The following ABCF2 variants were observed in gnomAD, a reference collection of about 807,000 sequenced individuals.
ABCF2 encodes the protein ATP binding cassette subfamily F member 2, also known as ATP-binding cassette sub-family F member 2.
A neutral mutation model predicts 76.9 loss-of-function variants in ABCF2; 37 were observed. The ratio of observed to expected loss-of-function variants is 0.48; its 90% CI spans 0.37 to 0.63. The LOEUF (loss-of-function observed/expected upper bound fraction) is 0.63. ABCF2 is among the 30% of genes least tolerant of loss of function. ABCF2 has a pLI of 0.00. For synonymous variants in ABCF2, 299 were observed against 283.7 expected, an observed-to-expected ratio of 1.05 and a Z score of -0.54; for missense variants, 524 against 782.1, an observed-to-expected ratio of 0.67 and a Z score of 3.94.
Position 151,225,033 on chromosome 7 carries a change from C to G in ABCF2, c.155-45G>C. On this transcript the variant is annotated intron_variant, in intron 2 of 14. Transcript: ENST00000287844. ...TTGGGAAGATGGCGTGAGACAGACT[C>G]GGCTCTCCACAAAGGTCAACGTCCT... 1.9e-6 allele frequency: 3 copies of G among 1,563,690 alleles called. No homozygotes were observed. The South Asian group carries it at 3.3e-5, about 17-fold the overall frequency.
chr7:151,226,711 G>T (rs1802380263), intron 1 of ABCF2: 2 of 406,740 alleles, frequency 4.9e-6, no homozygotes, highest in Non-Finnish European at 8.8e-6. Context: ...CTTCCCACAG[G>T]CACCAGTCCC....
At chr7:151,222,885 C>T (rs1479241826) in intron 5 of ABCF2, among the ~76,000 whole-genome samples, 1 of 152,052 alleles carries the variant, frequency 6.6e-6, no homozygotes, top group Admixed American at 6.5e-5. Flanking sequence ...GTTTATGAGC[C>T]TTGTGCACTG....
intron 7 of ABCF2, 69 bp downstream of exon 7, chr7:151,221,509 T>G: frequency 8.7e-7 from 1 of 1,147,042 alleles, no homozygotes; most frequent in South Asian, 1.4e-5. Context: ...CCTTTTTTTT[T>G]TTTTTTAAAG....
rs1471167452 is a variant in ABCF2, at chr7:151,214,358, C to A, written c.1735-167G>T. Among the ~76,000 whole-genome samples, 1 of 152,178 alleles carries A rather than the reference C, an allele frequency of 6.6e-6. No individual in the cohort carries two copies. Among genetic ancestry groups the A allele is most frequent in the Non-Finnish European group, 1.5e-5 (1 of 68,038 alleles). On this transcript the variant is annotated intron_variant, in intron 14 of 14. Transcript: ENST00000287844. The surrounding 1 kb of genome is among the most constrained non-coding windows in gnomAD (Gnocchi z 4.9). ...TTTGGGATGTTCTAACCCAAGGGTA[C>A]CATCATCAGGTTTGGAGCCTTCCAA...
chr7:151,225,565 A>G (rs951762888), intron 2 of ABCF2, among the ~76,000 whole-genome samples: 1 of 152,262 alleles, frequency 6.6e-6, no homozygotes, highest in African/African-American at 2.4e-5. Context: ...AGAAATGTCA[A>G]ATGTAGCTAG....
In ABCF2 at chr7:151,215,011, G is replaced by T. The variant is rs1802122094; in HGVS notation, c.1602C>A (p.Asn534Lys). ...GTTCATCCAGGAAGAGCATGTGGGG[G>T]TTCTGCCAGGCCAGCCAGGCCAGAC... ...RVCLAWLAWQ[N>K]PHMLFLDEPT... Residue 534 changes from asparagine (N) to lysine (K), a missense_variant, in exon 14 of 15, where the codon AAC (asparagine) becomes AAA (lysine). Coordinates refer to ENST00000287844, the MANE Select transcript of ABCF2 (RefSeq NM_007189.3). This position sits in a 1 kb window ranked among gnomAD's most constrained non-coding sequence, Gnocchi z 4.6. 1 of 1,614,182 alleles carries T rather than the reference G, an allele frequency of 6.2e-7. No individual in the cohort carries two copies. Among genetic ancestry groups the T allele is most frequent in the Non-Finnish European group, 8.5e-7 (1 of 1,180,028 alleles).
At position 151,219,168 on chromosome 7, in the gene ABCF2, A is replaced by C; in HGVS notation, c.922-9T>G. The C allele has an allele frequency of 6.2e-7, 1 of 1,612,914 alleles. No individual in the cohort carries two copies. Among genetic ancestry groups the C allele is most frequent in the Non-Finnish European group, 8.5e-7 (1 of 1,179,060 alleles). Reference sequence around the variant, plus strand: ...TACTGATCATAATTACCCTGCATGGAAATGTGCCAGGTAAGGCAGGCAGCT... The same window carrying C: ...TACTGATCATAATTACCCTGCATGGCAATGTGCCAGGTAAGGCAGGCAGCT... On this transcript the variant is annotated splice_polypyrimidine_tract_variant and intron_variant, in intron 7 of 14. Transcript: ENST00000287844.
Position 151,223,659 on chromosome 7 carries a change from G to C in ABCF2, c.722+19C>G. The C allele has an allele frequency of 6.4e-7, 1 of 1,574,758 alleles. No homozygotes were observed. On this transcript the variant is annotated intron_variant, in intron 5 of 14. Coordinates refer to ENST00000287844, the MANE Select transcript of ABCF2 (RefSeq NM_007189.3). ...GAGATGGGGGAGTTATGGGGGTAGG[G>C]AAGGAGGGAGGGACTCACCTGGCAA...
chr7:151,215,113 G>A lies in ABCF2; in HGVS notation c.1531-31C>T. On this transcript the variant is annotated intron_variant, in intron 13 of 14. Coordinates refer to ENST00000287844, the MANE Select transcript of ABCF2 (RefSeq NM_007189.3). This position sits in a 1 kb window ranked among gnomAD's most constrained non-coding sequence, Gnocchi z 4.6. ...TAGAACCGTGACCTACATATAACTT[G>A]GCATTATCCCCGCCAAACAGCACAG... The A allele has an allele frequency of 6.3e-7, 1 of 1,587,286 alleles. No individual in the cohort carries two copies. Among genetic ancestry groups the A allele is most frequent in the Non-Finnish European group, 8.6e-7 (1 of 1,163,574 alleles).
rs575154307 is a variant in ABCF2 at position 151,220,330 on chromosome 7, A to G, written c.922-1171T>C. On this transcript the variant is annotated intron_variant, in intron 7 of 14. Transcript: ENST00000287844. ...CTTGAACCTGGGAGGTGGAGGTTGC[A>G]GTGAGCCCAGATCGCGCCACTGCAC... Among the ~76,000 whole-genome samples, 345 of 145,940 alleles carry G rather than the reference A, an allele frequency of 2.4e-3. 3 individuals carry two copies. The highest frequency in any genetic ancestry group is 8.0e-3 in the African/African-American group (315 of 39,334).
chr7:151,224,016 T>C lies in ABCF2; in HGVS notation c.466A>G (p.Lys156Glu), dbSNP rs556376883. 2 of 1,614,128 alleles carry C rather than the reference T, an allele frequency of 1.2e-6. No homozygotes were observed. The highest frequency in any genetic ancestry group is 1.3e-5 in the African/African-American group (1 of 75,040). ...TCCATCACACAATGCAAGGGTGTCT[T>C]GTCACTAGGGGGCATCTCTCGAGTC... is the stretch of plus-strand genomic sequence containing the variant. ...HLTREMPPSDKTPLHCVMEVD... is the reference protein window; with the variant it reads ...HLTREMPPSDETPLHCVMEVD... Residue 156 changes from lysine (K) to glutamate (E), a missense_variant, in exon 4 of 15, where the codon AAG becomes GAG. Coordinates refer to ENST00000287844, the MANE Select transcript of ABCF2 (RefSeq NM_007189.3).
intron 7 of ABCF2, among the ~76,000 whole-genome samples, chr7:151,220,369 C>A (rs145979192): frequency 0.012 from 1,426 of 118,144 alleles, 34 homozygotes; most frequent in African/African-American, 0.045. Context: ...AGCCTGGCGA[C>A]GGAGCAAGAC....
Position 151,213,923 on chromosome 7 carries a change from G to A in ABCF2, c.*131C>T, listed in dbSNP as rs1426017325. 3 of 1,490,734 alleles carry A rather than the reference G, an allele frequency of 2.0e-6. No individual in the cohort carries two copies. Among genetic ancestry groups the A allele is most frequent in the Non-Finnish European group, 2.7e-6 (3 of 1,129,186 alleles). 92.3% of individuals were successfully genotyped at this position (1,490,734 alleles called of 1,614,324 possible). On this transcript the variant is annotated 3_prime_UTR_variant, in exon 15 of 15. Coordinates refer to ENST00000287844, the MANE Select transcript of ABCF2 (RefSeq NM_007189.3). ...TGCAGCTAAGGCAGGTTGAGGGGCA[G>A]GGGAGAGGCTGGGGGAGCAGTATTG...
At chr7:151,217,351 T>C (rs539416252) in intron 11 of ABCF2, among the ~76,000 whole-genome samples, 1 of 152,336 alleles carries the variant, frequency 6.6e-6, no homozygotes, top group South Asian at 2.1e-4. Flanking sequence ...AAAACCCATG[T>C]AGACGTTAAA....
chr7:151,226,277 T>A (rs753158829), intron 2 of ABCF2, 28 bp downstream of exon 2: 2 of 1,609,216 alleles, frequency 1.2e-6, no homozygotes, highest in South Asian at 2.2e-5. Flanking sequence ...TTAGCAACCA[T>A]CCCCAACTCA....
chr7:151,214,030 C>T lies in ABCF2; in HGVS notation c.*24G>A. Reference sequence around the variant, plus strand: ...AGCTGTTAGTTCCCAGATGGAGCTCCTGACCCGAACCCAGGTAGAGGGCTC... The same window carrying T: ...AGCTGTTAGTTCCCAGATGGAGCTCTTGACCCGAACCCAGGTAGAGGGCTC... On this transcript the variant is annotated 3_prime_UTR_variant, in exon 15 of 15. Transcript: ENST00000287844. This position sits in a 1 kb window ranked among gnomAD's most constrained non-coding sequence, Gnocchi z 4.9. The T allele has an allele frequency of 6.8e-6, 11 of 1,611,168 alleles. No homozygotes were observed. Among genetic ancestry groups the T allele is most frequent in the Non-Finnish European group, 8.5e-6 (10 of 1,179,098 alleles).
At chr7:151,219,453 G>A (rs3800794) in intron 7 of ABCF2, among the ~76,000 whole-genome samples, 15,888 of 152,224 alleles carry the variant, frequency 0.1, 906 homozygotes, top group African/African-American at 0.14. Context: ...ACGGTCATAC[G>A]GACGTCACGA....
At position 151,214,212 on chromosome 7, in the gene ABCF2, T is replaced by G; in HGVS notation, c.1735-21A>C. On this transcript the variant is annotated intron_variant, in intron 14 of 14. Coordinates refer to ENST00000287844, the MANE Select transcript of ABCF2 (RefSeq NM_007189.3). The surrounding 1 kb of genome is among the most constrained non-coding windows in gnomAD (Gnocchi z 4.9). The stretch of plus-strand genomic sequence containing the variant: ...GCAACCTAGAAAGCAAAACCTGGAC[T>G]TAATCCTGGGCTAGTCACTGTCCCT... The G allele has an allele frequency of 6.2e-7, 1 of 1,614,126 alleles. No homozygotes were observed. The highest frequency in any genetic ancestry group is 8.5e-7 in the Non-Finnish European group (1 of 1,179,994).
In ABCF2 at chr7:151,224,092, A is replaced by T. The variant is rs1335010845; in HGVS notation, c.390T>A (p.Ala130=). Residue 130 remains alanine (A), a synonymous_variant, in exon 4 of 15, where the codon GCT becomes GCA. Coordinates refer to ENST00000287844, the MANE Select transcript of ABCF2 (RefSeq NM_007189.3). ...GGATGGGCACTTCACGCTTCCCAAT[A>T]GCAGAGAGCAGCATGGACTTTCCTG... is the stretch of plus-strand genomic sequence containing the variant. ...NGIGKSMLLS[A]IGKREVPIPE... The T allele has an allele frequency of 3.7e-6, 6 of 1,614,040 alleles. No homozygotes were observed. Among genetic ancestry groups the T allele is most frequent in the Non-Finnish European group, 5.1e-6 (6 of 1,180,022 alleles).
Sources: allele counts gnomAD v4.1 joint callset (sites outside exome capture counted in the v4.1 genomes callset), GRCh38; gene constraint gnomAD v4.1.1; non-coding constraint Gnocchi (gnomAD v3.1); transcripts MANE v1.5; gene names NCBI Gene and HGNC (gene_info 2026-07-23, HGNC 2026-07-21).